The following TRIM62 variants were observed in gnomAD, a reference collection of about 807,000 sequenced individuals.
TRIM62 encodes the protein tripartite motif containing 62.
TRIM62 carries 39 observed loss-of-function variants against 44.2 expected under a neutral mutation model. The ratio of observed to expected loss-of-function variants is 0.88; its 90% CI spans 0.68 to 1.15. TRIM62 has a LOEUF of 1.15. Ranked by LOEUF, TRIM62 falls within the 50% of genes most tolerant of loss-of-function variation. The pLI is 0.00. For missense variants in TRIM62, 544 were observed against 665.5 expected (o/e 0.82, Z 2.01); for synonymous variants, 278 against 292.3 (o/e 0.95, Z 0.50).
chr1:33,162,086 A>G (rs1391215460), intron 2 of TRIM62, among the ~76,000 whole-genome samples: 1 of 152,132 alleles, frequency 6.6e-6, no homozygotes, highest in Admixed American at 6.5e-5. Context: ...CTTGGTCTAC[A>G]AGTCAACTCT....
chr1:33,162,468 C>G (rs1645281255), intron 2 of TRIM62, among the ~76,000 whole-genome samples: 1 of 152,246 alleles, frequency 6.6e-6, no homozygotes, highest in African/African-American at 2.4e-5. Flanking sequence ...TTCTGTCTCC[C>G]TGGCTAGTAA....
At position 33,181,642 on chromosome 1, in the gene TRIM62, C is replaced by T. The variant is rs549017596; in HGVS notation, c.-210G>A. Reference sequence around the variant, plus strand: ...GCTGAGACTCCGTGGGACGCCAGCCCGGGAGGGCAGTCTAGAGGTAGTGGG... The same window carrying T: ...GCTGAGACTCCGTGGGACGCCAGCCTGGGAGGGCAGTCTAGAGGTAGTGGG... On this transcript the variant is annotated 5_prime_UTR_variant, in exon 1 of 5. Coordinates refer to ENST00000291416, the MANE Select transcript of TRIM62 (RefSeq NM_018207.3). This position sits in a 1 kb window ranked among gnomAD's most constrained non-coding sequence, Gnocchi z 6.5. The T allele has an allele frequency of 2.6e-5, 23 of 892,582 alleles. No individual in the cohort carries two copies. In the South Asian group the frequency reaches 3.4e-4, roughly 13 times the overall value. 55.3% of individuals were successfully genotyped at this position (892,582 alleles called of 1,614,324 possible). A position where few individuals can be genotyped will look rare whatever the true frequency, so the allele number is the denominator to read the frequency against.
At chr1:33,158,467 T>A in intron 3 of TRIM62, 99 bp from the exon 4 acceptor site, 1 of 870,560 alleles carries the variant, frequency 1.1e-6, no homozygotes, top group Non-Finnish European at 1.9e-6. Flanking sequence ...GCATAGGATG[T>A]GGTCATGAGT....
In TRIM62 at chr1:33,181,574, G is replaced by T; in HGVS notation, c.-142C>A. 1 of 1,384,032 alleles carries T rather than the reference G, an allele frequency of 7.2e-7. No individual in the cohort carries two copies. The highest frequency in any genetic ancestry group is 9.4e-7 in the Non-Finnish European group (1 of 1,065,418). 85.7% of individuals were successfully genotyped at this position (1,384,032 alleles called of 1,614,324 possible). A position where few individuals can be genotyped will look rare whatever the true frequency, so the allele number is the denominator to read the frequency against. On this transcript the variant is annotated 5_prime_UTR_variant, in exon 1 of 5. Transcript: ENST00000291416. This position sits in a 1 kb window ranked among gnomAD's most constrained non-coding sequence, Gnocchi z 6.5. The stretch of plus-strand genomic sequence containing the variant: ...GGTAGGAGCTACCGGAGAAGGGAGG[G>T]GGTGCTGTCCGGAAGGAGGGTAACG...
Position 33,181,721 on chromosome 1 carries a change from A to G in TRIM62, c.-289T>C. ...GGCTGTGAGCGGCTGAGGGACGGAG[A>G]TCCTGACGGGGAGGTTCTAGGGGGC... On this transcript the variant is annotated 5_prime_UTR_variant, in exon 1 of 5. Transcript: ENST00000291416. The surrounding 1 kb of genome is among the most constrained non-coding windows in gnomAD (Gnocchi z 6.5). The G allele has an allele frequency of 2.3e-6, 1 of 438,860 alleles. No individual in the cohort carries two copies. The highest frequency in any genetic ancestry group is 4.1e-6 in the Non-Finnish European group (1 of 246,530). 27.2% of individuals were successfully genotyped at this position (438,860 alleles called of 1,614,324 possible).
At chr1:33,175,117 G>A (rs1259421988) in intron 1 of TRIM62, among the ~76,000 whole-genome samples, 1 of 151,532 alleles carries the variant, frequency 6.6e-6, no homozygotes, top group Non-Finnish European at 1.5e-5. Flanking sequence ...TCAGCTCACT[G>A]CAACCTCTGC....
intron 4 of TRIM62, among the ~76,000 whole-genome samples, chr1:33,157,345 C>T (rs530943626): frequency 6.6e-6 from 1 of 152,172 alleles, no homozygotes; most frequent in Non-Finnish European, 1.5e-5. Flanking sequence ...ACTTGCTGTC[C>T]CCATGCCAGG....
At chr1:33,174,968 T>TAC (rs1381458815) in intron 1 of TRIM62, among the ~76,000 whole-genome samples, 11 of 124,950 alleles carry the variant, frequency 8.8e-5, no homozygotes, top group South Asian at 4.8e-4. Flanking sequence ...TATATATATA[T>TAC]ACACACATAT....
Position 33,175,211 on chromosome 1 carries a change from T to C in TRIM62, c.408+5814A>G, listed in dbSNP as rs1645409336. On this transcript the variant is annotated intron_variant, in intron 1 of 4. Transcript: ENST00000291416. ...GTGCCACGAATGCCCAGCTAATTTT[T>C]TTTTTTTTTGTATTTTTAGTAGAGA... 2.6e-5 allele frequency among the ~76,000 whole-genome samples: 4 copies of C among 151,734 alleles called. No homozygotes were observed. The South Asian group carries it at 8.3e-4, about 31-fold the overall frequency.
intron 4 of TRIM62, among the ~76,000 whole-genome samples, chr1:33,154,585 G>A (rs2124721011): frequency 6.6e-6 from 1 of 152,054 alleles, no homozygotes; most frequent in Middle Eastern, 3.4e-3. Flanking sequence ...GGATCACGAG[G>A]TCAGGAGTTC....
Position 33,181,936 on chromosome 1 carries a change from C to T in TRIM62, c.-504G>A. On this transcript the variant is annotated 5_prime_UTR_variant, in exon 1 of 5. Coordinates refer to ENST00000291416, the MANE Select transcript of TRIM62 (RefSeq NM_018207.3). This position sits in a 1 kb window ranked among gnomAD's most constrained non-coding sequence, Gnocchi z 6.5. Reference sequence around the variant, plus strand: ...TGACCGGCAGAGAAGAGGAGGGGTGCCGGCCCGCTCAGCTGCCGGATCCCG... The same window carrying T: ...TGACCGGCAGAGAAGAGGAGGGGTGTCGGCCCGCTCAGCTGCCGGATCCCG... The T allele has an allele frequency of 6.3e-6, 1 of 157,526 alleles. No individual in the cohort carries two copies. Among genetic ancestry groups the T allele is most frequent in the Non-Finnish European group, 1.4e-5 (1 of 71,298 alleles). The allele number at this position is 157,526 out of a possible 1,614,324, so 9.8% of individuals were successfully genotyped here. A position where few individuals can be genotyped will look rare whatever the true frequency, so the allele number is the denominator to read the frequency against.
At chr1:33,162,602 C>CT (rs1033275581) in intron 2 of TRIM62, among the ~76,000 whole-genome samples, 3 of 152,192 alleles carry the variant, frequency 2.0e-5, no homozygotes, top group Non-Finnish European at 4.4e-5. Context: ...AGAGTCTTGT[C>CT]TGAGATTGCT....
intron 1 of TRIM62, among the ~76,000 whole-genome samples, chr1:33,172,021 A>G (rs568649293): frequency 1.1e-4 from 16 of 152,250 alleles, no homozygotes; most frequent in African/African-American, 3.6e-4. Flanking sequence ...ACCTCAAGTG[A>G]TCTGCCTACC....
chr1:33,160,197 G>A (rs1054923542), intron 2 of TRIM62, among the ~76,000 whole-genome samples: 1 of 152,110 alleles, frequency 6.6e-6, no homozygotes, highest in African/African-American at 2.4e-5. Context: ...CAGCAATGGT[G>A]AGGAACACGG....
At position 33,151,542 on chromosome 1, in the gene TRIM62, T is replaced by C. The variant is rs144843600; in HGVS notation, c.878-3815A>G. Among the ~76,000 whole-genome samples the C allele has an allele frequency of 7.9e-3, 1,208 of 152,262 alleles. 14 individuals carry two copies. The highest frequency in any genetic ancestry group is 0.028 in the African/African-American group (1,143 of 41,530). On this transcript the variant is annotated intron_variant, in intron 4 of 4. Transcript: ENST00000291416. Reference sequence around the variant, plus strand: ...GGCATGGCAACACCCCTTCCCCCTCTGAGAAGTCAGTTCCTCCATCTGTCC... The same window carrying C: ...GGCATGGCAACACCCCTTCCCCCTCCGAGAAGTCAGTTCCTCCATCTGTCC...
rs1214364267 is a variant in TRIM62 at position 33,181,304 on chromosome 1, C to T, written c.129G>A (p.Glu43=). The T allele has an allele frequency of 2.6e-6, 4 of 1,557,896 alleles. No homozygotes were observed. Among genetic ancestry groups the T allele is most frequent in the Non-Finnish European group, 2.6e-6 (3 of 1,156,816 alleles). Residue 43 remains glutamate, a synonymous_variant, in exon 1 of 5, where the codon GAG becomes GAA. Transcript: ENST00000291416. This position sits in a 1 kb window ranked among gnomAD's most constrained non-coding sequence, Gnocchi z 6.5. ...CGGGGCAGTCGCGGGCGCCCTGCGCCTCCTGCCGCACCCAGTGCTCCGTGA... is the reference window on the plus strand; with the variant it reads ...CGGGGCAGTCGCGGGCGCCCTGCGCTTCCTGCCGCACCCAGTGCTCCGTGA... ...RCITEHWVRQ[E]AQGARDCPEC... is the part of the protein sequence containing the mutation.
chr1:33,148,236 C>T (rs1645047624), intron 4 of TRIM62, among the ~76,000 whole-genome samples: 1 of 152,144 alleles, frequency 6.6e-6, no homozygotes, highest in African/African-American at 2.4e-5. Context: ...TCCCCGACTC[C>T]CAGTGATTTT....
chr1:33,180,977 A>G (rs1371831185), intron 1 of TRIM62, 48 bp downstream of exon 1: 1 of 179,470 alleles, frequency 5.6e-6, no homozygotes, highest in East Asian at 3.2e-4. Context: ...GCCCGGCCCC[A>G]CCTCCAGCCC....
At position 33,167,546 on chromosome 1, in the gene TRIM62, T is replaced by G. The variant is rs1253118912; in HGVS notation, c.409-1980A>C. ...ACAAGTCCTCCAGGGTGGCTCCTAC[T>G]GCTCCCTCTCCATATACCTCACACC... On this transcript the variant is annotated intron_variant, in intron 1 of 4. Transcript: ENST00000291416. This position sits in a 1 kb window ranked among gnomAD's most constrained non-coding sequence, Gnocchi z 4.2. Among the ~76,000 whole-genome samples, 1 of 152,192 alleles carries G rather than the reference T, an allele frequency of 6.6e-6. No individual in the cohort carries two copies. Among genetic ancestry groups the G allele is most frequent in the African/African-American group, 2.4e-5 (1 of 41,450 alleles).
Sources: gnomAD v4.1 joint callset for allele counts (sites outside exome capture counted in the v4.1 genomes callset) on GRCh38, gnomAD v4.1.1 for gene constraint, Gnocchi (gnomAD v3.1) non-coding constraint, MANE v1.5 for transcripts, NCBI Gene and HGNC (gene_info 2026-07-23, HGNC 2026-07-21) for gene names.